RBFOX1: variants seen among roughly 807,000 people sequenced by gnomAD.
RBFOX1 encodes RNA binding fox-1 homolog 1, also known as RNA binding protein fox-1 homolog 1.
A neutral mutation model predicts 57.7 loss-of-function variants in RBFOX1; 8 were observed. The observed-to-expected ratio is 0.14, with a 90% confidence interval of 0.08 to 0.25. RBFOX1 has a LOEUF of 0.25. Among genes scored for constraint, RBFOX1 ranks in the 10% least tolerant of loss-of-function variants. The pLI is 1.00. For missense variants in RBFOX1, 611 were observed against 548.5 expected (o/e 1.11, Z -1.14); for synonymous variants, 326 against 222.4 (o/e 1.47, Z -4.15).
intron 3 of RBFOX1, among the ~76,000 whole-genome samples, chr16:7,010,923 C>T (rs2093624654): frequency 6.6e-6 from 1 of 152,176 alleles, no homozygotes; most frequent in Non-Finnish European, 1.5e-5. Flanking sequence ...TAAAGTTCTC[C>T]CACCAAAGTG....
At chr16:7,649,318 T>G (rs546337798) in intron 11 of RBFOX1, among the ~76,000 whole-genome samples, 3 of 152,184 alleles carry the variant, frequency 2.0e-5, no homozygotes, top group African/African-American at 7.2e-5. Context: ...AATATTATCT[T>G]TAAAGCAAAT....
At chr16:6,744,453 C>G (rs1231872530) in intron 3 of RBFOX1, among the ~76,000 whole-genome samples, 2 of 152,010 alleles carry the variant, frequency 1.3e-5, no homozygotes, top group African/African-American at 4.8e-5. Flanking sequence ...CTGGGCTGAA[C>G]TATTTTTTTT....
At chr16:6,841,596 G>T (rs1168936379) in intron 3 of RBFOX1, among the ~76,000 whole-genome samples, 1 of 152,088 alleles carries the variant, frequency 6.6e-6, no homozygotes, top group East Asian at 1.9e-4. Flanking sequence ...CACAGTTGAA[G>T]AGCTAATTTT....
At chr16:6,175,657 G>C (rs1567616198) in intron 1 of RBFOX1, among the ~76,000 whole-genome samples, 1 of 152,258 alleles carries the variant, frequency 6.6e-6, no homozygotes, top group East Asian at 1.9e-4. Flanking sequence ...ATAGGGATCT[G>C]AGTAAAATAT....
intron 4 of RBFOX1, among the ~76,000 whole-genome samples, chr16:7,406,089 C>G (rs1378585696): frequency 6.6e-6 from 1 of 152,160 alleles, no homozygotes; most frequent in African/African-American, 2.4e-5. Flanking sequence ...AAACCCCATT[C>G]TGGAGGTGAA....
intron 4 of RBFOX1, among the ~76,000 whole-genome samples, chr16:5,966,323 G>C (rs1394488296): frequency 6.6e-6 from 1 of 152,212 alleles, no homozygotes; most frequent in Non-Finnish European, 1.5e-5. Context: ...GGCTGTTCGG[G>C]AAGGGCAGTG....
intron 4 of RBFOX1, among the ~76,000 whole-genome samples, chr16:7,501,551 G>T (rs925770271): frequency 6.6e-6 from 1 of 152,164 alleles, no homozygotes; most frequent in African/African-American, 2.4e-5. Flanking sequence ...CTTCAGCCCA[G>T]CTCTATATTT....
intron 3 of RBFOX1, among the ~76,000 whole-genome samples, chr16:6,937,752 C>G (rs949096691): frequency 2.0e-5 from 3 of 151,890 alleles, no homozygotes; most frequent in African/African-American, 7.3e-5. Flanking sequence ...GTTGTGGAGA[C>G]CAAAGTTTTA....
At chr16:7,375,431 C>T (rs544617607) in intron 4 of RBFOX1, among the ~76,000 whole-genome samples, 12 of 151,668 alleles carry the variant, frequency 7.9e-5, no homozygotes, top group South Asian at 4.2e-4. Context: ...GACAAATTAG[C>T]GGCTATGGAA....
At chr16:7,702,971 C>G (rs570915132) in intron 14 of RBFOX1, among the ~76,000 whole-genome samples, 1 of 152,194 alleles carries the variant, frequency 6.6e-6, no homozygotes, top group African/African-American at 2.4e-5. Flanking sequence ...CCCTTCTTAC[C>G]TGGTGCCCCA....
rs529145857 is a variant in RBFOX1, at chr16:6,661,518, C to T, written c.-16+6868C>T. On this transcript the variant is annotated intron_variant, in intron 3 of 15. Coordinates refer to ENST00000550418, the MANE Select transcript of RBFOX1 (RefSeq NM_018723.4). ...GTCAATCCTCTGTCCCCACAGAAGG[C>T]AAATCTTTACTGTATGGGGCCAGAG... Among the ~76,000 whole-genome samples the T allele has an allele frequency of 2.0e-5, 3 of 152,266 alleles. No homozygotes were observed. The East Asian group carries it at 5.8e-4, about 29-fold the overall frequency.
chr16:6,990,571 G>C (rs140559681), intron 3 of RBFOX1, among the ~76,000 whole-genome samples: 10 of 152,178 alleles, frequency 6.6e-5, no homozygotes, highest in African/African-American at 2.2e-4. Context: ...GGATGATACT[G>C]TGTCCCATAA....
At chr16:6,152,788 G>A (rs942005481) in intron 1 of RBFOX1, among the ~76,000 whole-genome samples, 1 of 152,082 alleles carries the variant, frequency 6.6e-6, no homozygotes, top group African/African-American at 2.4e-5. Context: ...GAGAGCTCCT[G>A]TTCCTGAACA....
intron 4 of RBFOX1, among the ~76,000 whole-genome samples, chr16:7,224,505 G>T (rs989590738): frequency 6.6e-6 from 1 of 151,148 alleles, no homozygotes; most frequent in African/African-American, 2.4e-5. Context: ...CTGCTACCTG[G>T]GACCTGCCCC....
intron 3 of RBFOX1, among the ~76,000 whole-genome samples, chr16:6,701,911 A>G (rs2061912328): frequency 6.6e-6 from 1 of 152,148 alleles, no homozygotes; most frequent in South Asian, 2.1e-4. Context: ...GTACACACGG[A>G]CACAAAGGGA....
intron 4 of RBFOX1, among the ~76,000 whole-genome samples, chr16:7,152,850 G>T (rs1408204552): frequency 6.6e-6 from 1 of 152,128 alleles, no homozygotes; most frequent in South Asian, 2.1e-4. Context: ...ACCGAGTCTT[G>T]CATGAAGGCA....
intron 2 of RBFOX1, among the ~76,000 whole-genome samples, chr16:6,387,311 C>T (rs2092346538): frequency 6.6e-6 from 1 of 152,062 alleles, no homozygotes; most frequent in African/African-American, 2.4e-5. Context: ...CTCCCCATTG[C>T]TATTTTGGAA....
chr16:5,671,498 A>G (rs1021335971), intron 3 of RBFOX1, among the ~76,000 whole-genome samples: 3 of 152,218 alleles, frequency 2.0e-5, no homozygotes, highest in Admixed American at 1.3e-4. Context: ...CATTCAGGAA[A>G]TTCAGCCAGA....
chr16:5,623,052 T>C (rs1173869291), intron 3 of RBFOX1, among the ~76,000 whole-genome samples: 1 of 152,130 alleles, frequency 6.6e-6, no homozygotes, highest in Non-Finnish European at 1.5e-5. Context: ...TGGGTTTTGG[T>C]ATACGGGGGA....
Sources: allele counts gnomAD v4.1 joint callset (sites outside exome capture counted in the v4.1 genomes callset), GRCh38; gene constraint gnomAD v4.1.1; transcripts MANE v1.5; gene names NCBI Gene and HGNC (gene_info 2026-07-23, HGNC 2026-07-21).